Variants in SSBP2 observed in about 807,000 individuals in gnomAD.
SSBP2 encodes single stranded DNA binding protein 2, also known as single-stranded DNA-binding protein 2.
A neutral mutation model predicts 61.8 loss-of-function variants in SSBP2; 17 were observed. The ratio of observed to expected loss-of-function variants is 0.28; its 90% CI spans 0.19 to 0.41. SSBP2 has a LOEUF of 0.41. Among genes scored for constraint, SSBP2 ranks in the 10% least tolerant of loss-of-function variants. The pLI is 1.00. For synonymous variants in SSBP2, 139 were observed against 141.3 expected (o/e 0.98, Z 0.12); for missense variants, 310 against 458.7 (o/e 0.68, Z 2.96).
chr5:81,452,376 C>T lies in SSBP2; in HGVS notation c.688-3551G>A, dbSNP rs142222046. 6.4e-3 allele frequency among the ~76,000 whole-genome samples: 973 copies of T among 152,314 alleles called. 6 individuals carry two copies. Among genetic ancestry groups the T allele is most frequent in the Middle Eastern group, 0.024 (7 of 294 alleles). On this transcript the variant is annotated intron_variant, in intron 10 of 16. Coordinates refer to ENST00000320672, the MANE Select transcript of SSBP2 (RefSeq NM_012446.5). ...TCTTGGCCTCAAGCTATCCTCCTGA[C>T]TCAGCTTCCTGAAGTGCTGGGATTA...
intron 4 of SSBP2, among the ~76,000 whole-genome samples, chr5:81,582,739 G>A (rs577640219): frequency 6.6e-5 from 10 of 152,106 alleles, no homozygotes; most frequent in East Asian, 1.9e-4. Flanking sequence ...GATTACAGGC[G>A]TGCACCACCA....
intron 1 of SSBP2, chr5:81,750,641 G>A (rs1274483485): frequency 3.0e-5 from 6 of 199,402 alleles, no homozygotes; most frequent in Admixed American, 6.3e-5. Flanking sequence ...CCGGAGCCCC[G>A]GACCCCAGCT....
intron 4 of SSBP2, among the ~76,000 whole-genome samples, chr5:81,611,221 C>T (rs1225770108): frequency 6.6e-6 from 1 of 152,066 alleles, no homozygotes; most frequent in African/African-American, 2.4e-5. Flanking sequence ...AAAAACAAGA[C>T]AACATAATAA....
At position 81,514,220 on chromosome 5, in the gene SSBP2, C is replaced by T. The variant is rs142040928; in HGVS notation, c.283-503G>A. The stretch of plus-strand genomic sequence containing the variant: ...TATAGGTGGCAACACTCATATTATT[C>T]ACTTTCTGATATACTGTAACTGGTA... On this transcript the variant is annotated intron_variant, in intron 4 of 16. Transcript: ENST00000320672. Among the ~76,000 whole-genome samples the T allele has an allele frequency of 1.1e-4, 17 of 151,638 alleles. No individual in the cohort carries two copies. In the East Asian group the frequency reaches 3.3e-3, roughly 29 times the overall value.
At chr5:81,745,495 T>G (rs1757298274) in intron 1 of SSBP2, among the ~76,000 whole-genome samples, 2 of 152,218 alleles carry the variant, frequency 1.3e-5, no homozygotes, top group South Asian at 4.1e-4. Flanking sequence ...AATGCTATTT[T>G]AAGTCCACCC....
intron 4 of SSBP2, among the ~76,000 whole-genome samples, chr5:81,536,532 A>T (rs756136706): frequency 6.6e-6 from 1 of 152,152 alleles, no homozygotes; most frequent in Non-Finnish European, 1.5e-5. Flanking sequence ...TTCTTACCAT[A>T]AGATTCAGCA....
At chr5:81,656,902 T>C (rs1750268639) in intron 1 of SSBP2, among the ~76,000 whole-genome samples, 2 of 148,614 alleles carry the variant, frequency 1.3e-5, no homozygotes, top group Non-Finnish European at 3.0e-5. Flanking sequence ...AAGTCATAAG[T>C]TTTTTTTTTA....
At chr5:81,627,542 T>G (rs1475156828) in intron 3 of SSBP2, among the ~76,000 whole-genome samples, 1 of 152,210 alleles carries the variant, frequency 6.6e-6, no homozygotes, top group African/African-American at 2.4e-5. Flanking sequence ...TATTTGGTTA[T>G]TCTTAGCTAT....
At chr5:81,575,073 T>C (rs984673635) in intron 4 of SSBP2, among the ~76,000 whole-genome samples, 6 of 152,018 alleles carry the variant, frequency 3.9e-5, no homozygotes, top group African/African-American at 1.4e-4. Flanking sequence ...ATCAAGACCA[T>C]CCTGGCCAAC....
chr5:81,607,968 G>A (rs1316793322), intron 4 of SSBP2, among the ~76,000 whole-genome samples: 1 of 152,108 alleles, frequency 6.6e-6, no homozygotes. Context: ...ACCTAGTGTG[G>A]TAAGTATTTA....
intron 1 of SSBP2, among the ~76,000 whole-genome samples, chr5:81,716,316 T>C (rs1386362155): frequency 1.3e-5 from 2 of 152,186 alleles, no homozygotes; most frequent in Non-Finnish European, 2.9e-5. Context: ...CATAGGCCTA[T>C]CTGACTGGTA....
chr5:81,582,822 G>A (rs1317491905), intron 4 of SSBP2, among the ~76,000 whole-genome samples: 1 of 152,140 alleles, frequency 6.6e-6, no homozygotes, highest in African/African-American at 2.4e-5. Flanking sequence ...TCGAACTCCT[G>A]ACCTCAGGTG....
At chr5:81,538,411 G>A (rs1367600210) in intron 4 of SSBP2, among the ~76,000 whole-genome samples, 10 of 152,174 alleles carry the variant, frequency 6.6e-5, no homozygotes, top group Non-Finnish European at 1.5e-4. Flanking sequence ...AGAACAAAAC[G>A]GTGCACAGTG....
In SSBP2 at chr5:81,495,178, G is replaced by A. The variant is rs188129378; in HGVS notation, c.373-5869C>T. Reference sequence around the variant, plus strand: ...TTAGCTAAAGGTAGATCCCTCAGTCGAAGTCTTTTCTTTTTGAAGGTCCCA... The same window carrying A: ...TTAGCTAAAGGTAGATCCCTCAGTCAAAGTCTTTTCTTTTTGAAGGTCCCA... On this transcript the variant is annotated intron_variant, in intron 5 of 16. Transcript: ENST00000320672. 2.4e-4 allele frequency among the ~76,000 whole-genome samples: 37 copies of A among 152,074 alleles called. No individual in the cohort carries two copies. The East Asian group carries it at 5.2e-3, about 21-fold the overall frequency.
chr5:81,617,043 G>A (rs1351367047), intron 3 of SSBP2, among the ~76,000 whole-genome samples: 16 of 90,846 alleles, frequency 1.8e-4, no homozygotes, highest in Non-Finnish European at 3.1e-4. Flanking sequence ...AACGCAGAGC[G>A]CCTCTCCTCC....
chr5:81,608,408 A>G (rs541695392), intron 4 of SSBP2, among the ~76,000 whole-genome samples: 82 of 152,270 alleles, frequency 5.4e-4, no homozygotes, highest in Non-Finnish European at 8.7e-4. Context: ...GCCTTTCTTC[A>G]GTCCTCATCA....
intron 4 of SSBP2, among the ~76,000 whole-genome samples, chr5:81,555,069 G>T (rs187552996): frequency 6.6e-6 from 1 of 151,990 alleles, no homozygotes; most frequent in Non-Finnish European, 1.5e-5. Flanking sequence ...ATTGCTTTCT[G>T]TAATTTCTGA....
chr5:81,518,463 T>C (rs1769208825), intron 4 of SSBP2, among the ~76,000 whole-genome samples: 1 of 152,122 alleles, frequency 6.6e-6, no homozygotes, highest in South Asian at 2.1e-4. Flanking sequence ...GAGTTTTTTG[T>C]AGCTTTCCCT....
At chr5:81,629,777 T>G (rs916729713) in intron 3 of SSBP2, among the ~76,000 whole-genome samples, 1 of 152,246 alleles carries the variant, frequency 6.6e-6, no homozygotes, top group African/African-American at 2.4e-5. Flanking sequence ...ACATATACTT[T>G]GGAAAATGAT....
Sources: allele counts gnomAD v4.1 joint callset (sites outside exome capture counted in the v4.1 genomes callset), GRCh38; gene constraint gnomAD v4.1.1; transcripts MANE v1.5; gene names NCBI Gene and HGNC (gene_info 2026-07-23, HGNC 2026-07-21).